The following ANXA10 variants were observed in gnomAD, a reference collection of about 807,000 sequenced individuals.
ANXA10 encodes the protein annexin 14.
Under a neutral mutation model 53.5 loss-of-function variants are expected in ANXA10, and 49 were observed. The observed-to-expected ratio is 0.92, with a 90% CI of 0.73 to 1.16. The LOEUF is 1.16. Ranked by LOEUF, ANXA10 falls within the 50% of genes most tolerant of loss-of-function variation. The pLI, the probability that ANXA10 is intolerant of heterozygous loss-of-function variation, is 0.00. For missense variants in ANXA10, 393 were observed against 394.4 expected (o/e 1.00, Z 0.03); for synonymous variants, 131 against 128.9 (o/e 1.02, Z -0.11).
At chr4:168,181,316 G>T (rs1357831681) in intron 9 of ANXA10, among the ~76,000 whole-genome samples, 1 of 150,774 alleles carries the variant, frequency 6.6e-6, no homozygotes, top group African/African-American at 2.4e-5. Flanking sequence ...GCGTGAACCC[G>T]GGAGGCGGAG....
chr4:168,166,167 C>A (rs752835137), intron 6 of ANXA10, among the ~76,000 whole-genome samples: 1 of 152,104 alleles, frequency 6.6e-6, no homozygotes, highest in Non-Finnish European at 1.5e-5. Flanking sequence ...GTATAAAGTT[C>A]TAGCTCTATG....
At chr4:168,119,618 T>C (rs1022366468) in intron 1 of ANXA10, among the ~76,000 whole-genome samples, 1 of 152,142 alleles carries the variant, frequency 6.6e-6, no homozygotes, top group African/African-American at 2.4e-5. Context: ...CATATTAATA[T>C]GTATGTCTTT....
intron 6 of ANXA10, among the ~76,000 whole-genome samples, chr4:168,175,308 T>G (rs1560791303): frequency 6.6e-6 from 1 of 152,228 alleles, no homozygotes; most frequent in Non-Finnish European, 1.5e-5. Context: ...TGGCATGTAG[T>G]CACAGAAGAT....
At chr4:168,117,459 C>A (rs933793872) in intron 1 of ANXA10, among the ~76,000 whole-genome samples, 1 of 152,186 alleles carries the variant, frequency 6.6e-6, no homozygotes, top group African/African-American at 2.4e-5. Flanking sequence ...TCTTATAACA[C>A]TCTTTGCATT....
At position 168,165,270 on chromosome 4, in the gene ANXA10, G is replaced by C; in HGVS notation, c.424G>C (p.Asp142His). Reference protein sequence around the residue: ...CLQYSNNLQEDIYSETSGHFR... With the variant: ...CLQYSNNLQEHIYSETSGHFR... ...AGAATACAGCAATAACCTCCAAGAG[G>C]ACATTTATTCAGAGACCTCAGGACA... Residue 142 changes from aspartate to histidine, a missense_variant, in exon 6 of 12, where the codon GAC (aspartate) becomes CAC (histidine). Coordinates refer to ENST00000359299, the MANE Select transcript of ANXA10 (RefSeq NM_007193.5). The C allele has an allele frequency of 1.3e-6, 2 of 1,591,048 alleles. No homozygotes were observed. Among genetic ancestry groups the C allele is most frequent in the African/African-American group, 1.3e-5 (1 of 74,074 alleles).
intron 2 of ANXA10, among the ~76,000 whole-genome samples, chr4:168,137,772 A>G (rs539375443): frequency 6.6e-6 from 1 of 152,214 alleles, no homozygotes; most frequent in East Asian, 1.9e-4. Context: ...TTTTTATATA[A>G]TGATTACTTT....
rs76824029 is a variant in ANXA10 at position 168,141,818 on chromosome 4, C to G, written c.195+2238C>G. Among the ~76,000 whole-genome samples, 949 of 152,282 alleles carry G rather than the reference C, an allele frequency of 6.2e-3. 12 individuals are homozygous for G. Among genetic ancestry groups the G allele is most frequent in the African/African-American group, 0.022 (919 of 41,552 alleles). ...TTCCCTGCTCTGTCTCAAGTCTCTG[C>G]CTTTTTTCATTATCTAGTTTTTCTG... On this transcript the variant is annotated intron_variant, in intron 3 of 11. Transcript: ENST00000359299.
At chr4:168,186,778 A>ATT (rs1309930876) in intron 11 of ANXA10, among the ~76,000 whole-genome samples, 1 of 152,202 alleles carries the variant, frequency 6.6e-6, no homozygotes, top group Non-Finnish European at 1.5e-5. Context: ...GAGTATTTTT[A>ATT]TTGAATCATG....
intron 2 of ANXA10, among the ~76,000 whole-genome samples, chr4:168,135,496 G>A (rs1411949473): frequency 2.0e-5 from 3 of 152,146 alleles, no homozygotes; most frequent in Non-Finnish European, 2.9e-5. Flanking sequence ...GCCTGTAGTT[G>A]GGAAGAAACT....
At chr4:168,097,554 G>A (rs55876168) in intron 1 of ANXA10, among the ~76,000 whole-genome samples, 26 of 152,046 alleles carry the variant, frequency 1.7e-4, no homozygotes, top group Non-Finnish European at 3.2e-4. Flanking sequence ...TCTACTCATT[G>A]AGTAGAAACT....
chr4:168,131,047 CTCT>C (rs1193522756), intron 2 of ANXA10, among the ~76,000 whole-genome samples: 1 of 151,852 alleles, frequency 6.6e-6, no homozygotes, highest in African/African-American at 2.4e-5. Flanking sequence ...GTTTAATTTG[CTCT>C]TCTTTTTCCA....
chr4:168,182,372 C>G lies in ANXA10; in HGVS notation c.783+631C>G, dbSNP rs565828551. ...TTGAGATGGAGTCTTGCTCTGCTGC[C>G]CAGGCTGGAGTGCAGTGGCGCGATC... is the stretch of plus-strand genomic sequence containing the variant. On this transcript the variant is annotated intron_variant, in intron 10 of 11. Coordinates refer to ENST00000359299, the MANE Select transcript of ANXA10 (RefSeq NM_007193.5). Among the ~76,000 whole-genome samples the G allele has an allele frequency of 2.0e-4, 21 of 105,276 alleles. No individual in the cohort carries two copies. In the East Asian group the frequency reaches 5.8e-3, roughly 29 times the overall value. 69.1% of individuals were successfully genotyped at this position (105,276 alleles called of 152,430 possible). A position where few individuals can be genotyped will look rare whatever the true frequency, so the allele number is the denominator to read the frequency against.
At position 168,109,774 on chromosome 4, in the gene ANXA10, C is replaced by T. The variant is rs949844457; in HGVS notation, c.18+17056C>T. The stretch of plus-strand genomic sequence containing the variant: ...CTATATAAAATCATAACAAAATATA[C>T]ATTCAATGTCTTTATAAAACTAGGT... On this transcript the variant is annotated intron_variant, in intron 1 of 11. Transcript: ENST00000359299. 3.3e-5 allele frequency among the ~76,000 whole-genome samples: 5 copies of T among 152,226 alleles called. No homozygotes were observed. In the South Asian group the frequency reaches 1.0e-3, roughly 32 times the overall value.
intron 1 of ANXA10, among the ~76,000 whole-genome samples, chr4:168,097,237 C>T (rs892728901): frequency 6.6e-6 from 1 of 151,950 alleles, no homozygotes; most frequent in Non-Finnish European, 1.5e-5. Flanking sequence ...CATTAGGTTT[C>T]TTTCTCAAAT....
Position 168,177,778 on chromosome 4 carries a change from T to C in ANXA10, c.519T>C (p.Ala173=). ...REEGYTDPAM[A]AQDAMVLWEA... is the part of the protein sequence containing the mutation. ...AAGGATATACAGACCCTGCGATGGCTGCTCAGGATGCAATGGTAACTAGAA... is the reference window on the plus strand; with the variant it reads ...AAGGATATACAGACCCTGCGATGGCCGCTCAGGATGCAATGGTAACTAGAA... Residue 173 remains alanine (A), a synonymous_variant, in exon 7 of 12, where the codon GCT becomes GCC. Coordinates refer to ENST00000359299, the MANE Select transcript of ANXA10 (RefSeq NM_007193.5). 6.2e-7 allele frequency: 1 copy of C among 1,614,202 alleles called. No individual in the cohort carries two copies. Among genetic ancestry groups the C allele is most frequent in the Non-Finnish European group, 8.5e-7 (1 of 1,180,024 alleles).
chr4:168,096,911 C>CATATATATAT lies in ANXA10; in HGVS notation c.18+4202_18+4211dup, dbSNP rs35451323. Among the ~76,000 whole-genome samples, 143 of 109,648 alleles carry CATATATATAT rather than the reference C, an allele frequency of 1.3e-3. 9 individuals are homozygous for CATATATATAT. Among genetic ancestry groups the CATATATATAT allele is most frequent in the African/African-American group, 6.8e-3 (133 of 19,674 alleles). The allele number at this position is 109,648 out of a possible 152,430, so 71.9% of individuals were successfully genotyped here. A position where few individuals can be genotyped will look rare whatever the true frequency, so the allele number is the denominator to read the frequency against. ...TTTGTATCCATTACTAATACAAATG[C>CATATATATAT]ATATATATATATATATATGTATGTA... On this transcript the variant is annotated intron_variant, in intron 1 of 11. Coordinates refer to ENST00000359299, the MANE Select transcript of ANXA10 (RefSeq NM_007193.5).
chr4:168,184,619 C>G lies in ANXA10; in HGVS notation c.844C>G (p.Leu282Val). ...RILIARSEID[L>V]LTIRKRYKER... ...TCTCATTGCCAGAAGTGAAATAGAC[C>G]TGCTGACCATAAGGAAACGATACAA... Residue 282 changes from leucine (L) to valine (V), a missense_variant, in exon 11 of 12, where the codon CTG becomes GTG. Physicochemically the swap from Leu to Val is conservative, Grantham distance 32. Transcript: ENST00000359299. 1 of 1,613,914 alleles carries G rather than the reference C, an allele frequency of 6.2e-7. No homozygotes were observed.
chr4:168,145,963 C>A (rs1731399792), intron 3 of ANXA10, among the ~76,000 whole-genome samples: 1 of 151,794 alleles, frequency 6.6e-6, no homozygotes, highest in Non-Finnish European at 1.5e-5. Flanking sequence ...TGCTGTGTCA[C>A]CCAGGCTGGA....
intron 8 of ANXA10, among the ~76,000 whole-genome samples, chr4:168,178,649 T>C (rs1277743142): frequency 6.6e-6 from 1 of 152,180 alleles, no homozygotes; most frequent in East Asian, 1.9e-4. Flanking sequence ...TCAGTAAGAA[T>C]GGATGAGAAC....
Sources: allele counts gnomAD v4.1 joint callset (sites outside exome capture counted in the v4.1 genomes callset), GRCh38; gene constraint gnomAD v4.1.1; transcripts MANE v1.5; gene names NCBI Gene and HGNC (gene_info 2026-07-23, HGNC 2026-07-21).